The following GABRG3 variants were observed in gnomAD, a reference collection of about 807,000 sequenced individuals.
GABRG3 encodes the protein gamma-aminobutyric acid receptor subunit gamma-3.
GABRG3 carries 25 observed loss-of-function variants against 48.8 expected under a neutral mutation model. The ratio of observed to expected loss-of-function variants is 0.51; its 90% CI spans 0.37 to 0.72. The LOEUF is 0.72. GABRG3 is among the 30% of genes least tolerant of loss of function. The probability of loss-of-function intolerance (pLI) is 0.00; values close to 1 mark genes in which losing one functional copy is unlikely to be tolerated. For missense variants in GABRG3, 394 were observed against 577.9 expected (o/e 0.68, Z 3.26); for synonymous variants, 227 against 217.6 (o/e 1.04, Z -0.38).
At chr15:27,176,820 G>T (rs1468381568) in intron 3 of GABRG3, among the ~76,000 whole-genome samples, 1 of 152,178 alleles carries the variant, frequency 6.6e-6, no homozygotes, top group African/African-American at 2.4e-5. Flanking sequence ...AGCTGAGGGA[G>T]CTGGGGATGG....
At chr15:27,508,123 CATCTGGGATGTTT>C (rs1890804301) in intron 6 of GABRG3, among the ~76,000 whole-genome samples, 1 of 152,160 alleles carries the variant, frequency 6.6e-6, no homozygotes, top group South Asian at 2.1e-4. Flanking sequence ...CTGTGTGTTT[CATCTGGGATGTTT>C]AGATCATTAA....
At chr15:27,355,899 C>T (rs1042269723) in intron 5 of GABRG3, among the ~76,000 whole-genome samples, 70 of 152,030 alleles carry the variant, frequency 4.6e-4, no homozygotes, top group African/African-American at 1.5e-3. Flanking sequence ...ATATGAAATA[C>T]CTAGAATAGA....
Position 27,255,856 on chromosome 15 carries a change from G to A in GABRG3, c.271-70953G>A, listed in dbSNP as rs539052221. On this transcript the variant is annotated intron_variant, in intron 3 of 9. Coordinates refer to ENST00000615808, the MANE Select transcript of GABRG3 (RefSeq NM_033223.5). ...TTTCTTCCAAATTGGCTTTGAAGAT[G>A]CCAAAGCTCCCTAGAAACGGGAAGA... Among the ~76,000 whole-genome samples, 7 of 152,148 alleles carry A rather than the reference G, an allele frequency of 4.6e-5. No homozygotes were observed. In the South Asian group the frequency reaches 1.0e-3, roughly 23 times the overall value.
At chr15:27,331,786 G>A (rs1893811591) in intron 5 of GABRG3, among the ~76,000 whole-genome samples, 1 of 152,110 alleles carries the variant, frequency 6.6e-6, no homozygotes, top group African/African-American at 2.4e-5. Flanking sequence ...GTTGACAGTT[G>A]GGGAAAGGAG....
intron 2 of GABRG3, among the ~76,000 whole-genome samples, chr15:27,016,027 C>T (rs145505818): frequency 2.6e-5 from 4 of 152,128 alleles, no homozygotes; most frequent in African/African-American, 4.8e-5. Context: ...TATGCATTAA[C>T]GTAGTTTTAT....
intron 3 of GABRG3, among the ~76,000 whole-genome samples, chr15:27,201,740 A>T (rs1039015011): frequency 4.6e-5 from 7 of 152,260 alleles, no homozygotes; most frequent in African/African-American, 9.6e-5. Context: ...GCTGTTTATA[A>T]TCGGAACAAT....
intron 5 of GABRG3, among the ~76,000 whole-genome samples, chr15:27,427,106 T>C (rs2140618938): frequency 6.6e-6 from 1 of 152,344 alleles, no homozygotes; most frequent in Non-Finnish European, 1.5e-5. Context: ...AGACTAAATA[T>C]GTTCCTTTAT....
At chr15:27,308,514 G>A (rs1326712979) in intron 3 of GABRG3, among the ~76,000 whole-genome samples, 4 of 146,680 alleles carry the variant, frequency 2.7e-5, no homozygotes, top group Non-Finnish European at 4.5e-5. Flanking sequence ...TAAACATAAT[G>A]TAAACATACA....
intron 3 of GABRG3, among the ~76,000 whole-genome samples, chr15:27,121,755 A>G (rs1207272555): frequency 6.6e-6 from 1 of 152,224 alleles, no homozygotes; most frequent in Non-Finnish European, 1.5e-5. Context: ...TAAAAGGTTG[A>G]GTCTATAAGA....
chr15:27,446,961 CAG>C (rs1422999079), intron 5 of GABRG3, among the ~76,000 whole-genome samples: 5 of 152,204 alleles, frequency 3.3e-5, no homozygotes, highest in African/African-American at 9.7e-5. Context: ...CTTCTCCACA[CAG>C]AGTTAGCTTT....
chr15:27,062,883 C>T (rs1223938099), intron 3 of GABRG3, among the ~76,000 whole-genome samples: 1 of 152,060 alleles, frequency 6.6e-6, no homozygotes, highest in Non-Finnish European at 1.5e-5. Flanking sequence ...ATTTCTTTGG[C>T]GCTATTACTT....
intron 6 of GABRG3, among the ~76,000 whole-genome samples, chr15:27,489,158 T>G (rs529423429): frequency 2.8e-4 from 43 of 152,296 alleles, no homozygotes; most frequent in African/African-American, 1.0e-3. Flanking sequence ...GCTAGTTTGC[T>G]GAGAATGATG....
chr15:27,434,637 A>T (rs1037909486), intron 5 of GABRG3, among the ~76,000 whole-genome samples: 1 of 152,232 alleles, frequency 6.6e-6, no homozygotes, highest in Non-Finnish European at 1.5e-5. Context: ...AATAAAGTAT[A>T]AGTCTGTGGA....
intron 6 of GABRG3, among the ~76,000 whole-genome samples, chr15:27,501,018 C>G (rs1039739395): frequency 7.0e-6 from 1 of 142,830 alleles, no homozygotes; most frequent in Admixed American, 7.3e-5. Flanking sequence ...GTGGCGCGAT[C>G]TCGGCTCACT....
chr15:26,987,233 G>T (rs2140643520), intron 2 of GABRG3, among the ~76,000 whole-genome samples: 1 of 152,318 alleles, frequency 6.6e-6, no homozygotes, highest in Non-Finnish European at 1.5e-5. Flanking sequence ...TCATAAGATG[G>T]CAGGGGGCAT....
At position 27,457,814 on chromosome 15, in the gene GABRG3, C is replaced by T. The variant is rs1889328634; in HGVS notation, c.575-22836C>T. Among the ~76,000 whole-genome samples, 1 of 152,208 alleles carries T rather than the reference C, an allele frequency of 6.6e-6. No individual in the cohort carries two copies. Among genetic ancestry groups the T allele is most frequent in the Non-Finnish European group, 1.5e-5 (1 of 68,042 alleles). On this transcript the variant is annotated intron_variant, in intron 5 of 9. Coordinates refer to ENST00000615808, the MANE Select transcript of GABRG3 (RefSeq NM_033223.5). The surrounding 1 kb of genome is among the most constrained non-coding windows in gnomAD (Gnocchi z 4.4). Reference sequence around the variant, plus strand: ...GCTCTAAAGGACAGAATGTATTTGTCAAAGCACCTGTGCAGTGACTCCCAC... The same window carrying T: ...GCTCTAAAGGACAGAATGTATTTGTTAAAGCACCTGTGCAGTGACTCCCAC...
At chr15:27,332,840 C>G (rs566563080) in intron 5 of GABRG3, among the ~76,000 whole-genome samples, 8 of 152,084 alleles carry the variant, frequency 5.3e-5, no homozygotes, top group South Asian at 2.1e-4. Flanking sequence ...GTAACATTTA[C>G]TATATAACAT....
At chr15:27,176,336 A>G (rs1351020837) in intron 3 of GABRG3, among the ~76,000 whole-genome samples, 1 of 152,222 alleles carries the variant, frequency 6.6e-6, no homozygotes, top group African/African-American at 2.4e-5. Context: ...TTAGCACCAA[A>G]ACGCTGAGTT....
chr15:27,243,674 G>T (rs1261991806), intron 3 of GABRG3, among the ~76,000 whole-genome samples: 1 of 152,164 alleles, frequency 6.6e-6, no homozygotes, highest in Non-Finnish European at 1.5e-5. Context: ...GTTGCTCAGA[G>T]TTCTGTCTTT....
Sources: gnomAD v4.1 joint callset for allele counts (sites outside exome capture counted in the v4.1 genomes callset) on GRCh38, gnomAD v4.1.1 for gene constraint, Gnocchi (gnomAD v3.1) non-coding constraint, MANE v1.5 for transcripts, NCBI Gene and HGNC (gene_info 2026-07-23, HGNC 2026-07-21) for gene names.